PPP5C: variants seen among roughly 807,000 people sequenced by gnomAD.
The protein encoded by PPP5C is serine/threonine-protein phosphatase 5.
In PPP5C, 21 loss-of-function variants were observed where a neutral mutation model predicts 66.7. The ratio of observed to expected loss-of-function variants is 0.31; its 90% CI spans 0.22 to 0.45. The LOEUF is 0.45. Ranked by LOEUF, PPP5C falls within the 20% of genes least tolerant of loss-of-function variation. PPP5C has a pLI of 1.00. For missense variants in PPP5C, 464 were observed against 675.9 expected (o/e 0.69, Z 3.48); for synonymous variants, 246 against 257.4 (o/e 0.96, Z 0.43).
In PPP5C at chr19:46,390,282, A is replaced by G; in HGVS notation, c.1438-2A>G. ...TCCATCCCACCTGCCCTGGTCCCAC[A>G]GCCTCATCCCAACGTCAAGCCCATG... On this transcript the variant is annotated splice_acceptor_variant, in intron 12 of 12. Transcript: ENST00000012443. LOFTEE classifies it high-confidence loss of function. 6.3e-7 allele frequency: 1 copy of G among 1,593,342 alleles called. No homozygotes were observed. The highest frequency in any genetic ancestry group is 1.1e-5 in the South Asian group (1 of 88,388).
At position 46,389,990 on chromosome 19, in the gene PPP5C, C is replaced by T. The variant is rs561661573; in HGVS notation, c.1356-61C>T. 36 of 1,520,358 alleles carry T rather than the reference C, an allele frequency of 2.4e-5. No individual in the cohort carries two copies. In the African/African-American group the frequency reaches 4.8e-4, roughly 20 times the overall value. The allele number at this position is 1,520,358 out of a possible 1,614,324, so 94.2% of individuals were successfully genotyped here. A position where few individuals can be genotyped will look rare whatever the true frequency, so the allele number is the denominator to read the frequency against. On this transcript the variant is annotated intron_variant, in intron 11 of 12. Transcript: ENST00000012443. ...CCCTTCTTGCCCAGCCATTCCTTCTCTTAACCCACCAGCCCCACCCAGCCC... is the reference window on the plus strand; with the variant it reads ...CCCTTCTTGCCCAGCCATTCCTTCTTTTAACCCACCAGCCCCACCCAGCCC...
At chr19:46,361,589 T>TAAAAA (rs935838226) in intron 2 of PPP5C, among the ~76,000 whole-genome samples, 2 of 85,270 alleles carry the variant, frequency 2.3e-5, no homozygotes, top group Non-Finnish European at 4.4e-5. Flanking sequence ...TACTAAAAAT[T>TAAAAA]AAAAAAAAAA....
At chr19:46,370,881 C>T (rs529468468) in intron 2 of PPP5C, among the ~76,000 whole-genome samples, 7 of 152,118 alleles carry the variant, frequency 4.6e-5, no homozygotes, top group Non-Finnish European at 7.4e-5. Flanking sequence ...CCTGGGACTA[C>T]AGGTGCCCGC....
In PPP5C at chr19:46,375,624, T is replaced by A. The variant is rs576127473; in HGVS notation, c.384T>A (p.His128Gln). The A allele has an allele frequency of 6.2e-7, 1 of 1,612,478 alleles. No individual in the cohort carries two copies. Among genetic ancestry groups the A allele is most frequent in the Non-Finnish European group, 8.5e-7 (1 of 1,179,112 alleles). Residue 128 changes from histidine to glutamine, a missense_variant, in exon 3 of 13, where the codon CAT (histidine) becomes CAA (glutamine). Physicochemically the swap from His to Gln is conservative, Grantham distance 24 (BLOSUM62 0). Around this residue, in one of 2 missense-constraint regions of PPP5C, gnomAD observed 387 missense variants for 626.0 expected, o/e 0.62. Transcript: ENST00000012443. ...CCCAGGTGGTCAAGGTGAAGCCCCATGACAAGGATGCCAAAATGAAATACC... is the reference window on the plus strand; with the variant it reads ...CCCAGGTGGTCAAGGTGAAGCCCCAAGACAAGGATGCCAAAATGAAATACC... The part of the protein sequence containing the change: ...DYETVVKVKP[H>Q]DKDAKMKYQE...
At chr19:46,358,875 T>C (rs1972332926) in intron 2 of PPP5C, among the ~76,000 whole-genome samples, 1 of 152,194 alleles carries the variant, frequency 6.6e-6, no homozygotes, top group Non-Finnish European at 1.5e-5. Context: ...GTCTCTGGAC[T>C]CTTACTCTTG....
chr19:46,390,743 G>A lies in PPP5C; in HGVS notation c.*397G>A, dbSNP rs940607799. On this transcript the variant is annotated 3_prime_UTR_variant, in exon 13 of 13. Transcript: ENST00000012443. ...GGGTCAGCAGGGGGGCCCCGCCTGCGCCTCCCCTCCTATAGCCCCATGGTG... is the reference window on the plus strand; with the variant it reads ...GGGTCAGCAGGGGGGCCCCGCCTGCACCTCCCCTCCTATAGCCCCATGGTG... The A allele has an allele frequency of 2.1e-5, 24 of 1,132,840 alleles. No homozygotes were observed. The highest frequency in any genetic ancestry group is 3.2e-5 in the African/African-American group (2 of 62,436). 70.2% of individuals were successfully genotyped at this position (1,132,840 alleles called of 1,614,324 possible).
In PPP5C at chr19:46,384,875, G is replaced by A. The variant is rs145055019; in HGVS notation, c.870G>A (p.Lys290=). The A allele has an allele frequency of 4.3e-4, 696 of 1,614,138 alleles. No homozygotes were observed. The East Asian group carries it at 4.5e-3, about 10-fold the overall frequency. Residue 290 remains lysine, a synonymous_variant, in exon 7 of 13, where the codon AAG becomes AAA. Coordinates refer to ENST00000012443, the MANE Select transcript of PPP5C (RefSeq NM_006247.4). Reference sequence around the variant, plus strand: ...TGATCCTCACCCTTTTCGGCTTCAAGCTCCTGTACCCAGATCACTTTCACC... The same window carrying A: ...TGATCCTCACCCTTTTCGGCTTCAAACTCCTGTACCCAGATCACTTTCACC... ...VEVILTLFGF[K]LLYPDHFHLL...
intron 1 of PPP5C, among the ~76,000 whole-genome samples, chr19:46,348,941 T>C (rs1343952243): frequency 1.3e-5 from 2 of 151,968 alleles, no homozygotes; most frequent in Non-Finnish European, 2.9e-5. Context: ...GGAGCAGTTA[T>C]TGGGGAGTGA....
At chr19:46,369,354 G>C (rs1972543644) in intron 2 of PPP5C, among the ~76,000 whole-genome samples, 1 of 152,164 alleles carries the variant, frequency 6.6e-6, no homozygotes, top group South Asian at 2.1e-4. Context: ...AAAAGGGATG[G>C]TAAAGTCATG....
rs1972694240 is a variant in PPP5C at position 46,376,294 on chromosome 19, G to C, written c.512-159G>C. On this transcript the variant is annotated intron_variant, in intron 3 of 12. Coordinates refer to ENST00000012443, the MANE Select transcript of PPP5C (RefSeq NM_006247.4). The surrounding 1 kb of genome is among the most constrained non-coding windows in gnomAD (Gnocchi z 5.1). ...ACAGGGAGGTCAGGAAGAGGCCTCT[G>C]GGCCAGACCTGACCCAGGAGGGGAC... Among the ~76,000 whole-genome samples the C allele has an allele frequency of 6.6e-6, 1 of 152,100 alleles. No individual in the cohort carries two copies. Among genetic ancestry groups the C allele is most frequent in the Admixed American group, 6.5e-5 (1 of 15,282 alleles).
intron 12 of PPP5C, 46 bp from the exon 13 acceptor site, chr19:46,390,238 G>C (rs1972992570): frequency 6.3e-7 from 1 of 1,599,436 alleles, no homozygotes; most frequent in African/African-American, 1.3e-5. Context: ...GGTGCTCAGG[G>C]GCTCTGTTCT....
chr19:46,353,917 G>T lies in PPP5C; in HGVS notation c.291G>T (p.Lys97Asn). 1.2e-6 allele frequency: 2 copies of T among 1,605,400 alleles called. No homozygotes were observed. The highest frequency in any genetic ancestry group is 1.7e-6 in the Non-Finnish European group (2 of 1,176,558). The change falls in exon 2 of 13, where the codon AAG (lysine) becomes AAT (asparagine). Residue 97 changes from lysine (K) to asparagine (N), a missense_variant. Around this residue, in one of 2 missense-constraint regions of PPP5C, gnomAD observed 387 missense variants for 626.0 expected, o/e 0.62. Coordinates refer to ENST00000012443, the MANE Select transcript of PPP5C (RefSeq NM_006247.4). ...TTGAGCTGGACAAGAAGTACATCAA[G>T]GGTTATTACCGCCGGGCTGCCAGCA... Reference protein sequence around the residue: ...RAIELDKKYIKGYYRRAASNM... With the variant: ...RAIELDKKYINGYYRRAASNM...
At chr19:46,350,584 AG>A (rs1972166560) in intron 1 of PPP5C, among the ~76,000 whole-genome samples, 1 of 152,180 alleles carries the variant, frequency 6.6e-6, no homozygotes, top group African/African-American at 2.4e-5. Context: ...GCAGGCACAG[AG>A]CCCCAGGCTC....
Position 46,376,542 on chromosome 19 carries a change from C to G in PPP5C, c.601C>G (p.Gln201Glu), listed in dbSNP as rs1318086699. Residue 201 changes from glutamine (Q) to glutamate (E), a missense_variant, in exon 4 of 13, where the codon CAG becomes GAG. This residue lies in a region of PPP5C where 387 missense variants were observed against 626.0 expected (regional missense o/e 0.62). Transcript: ENST00000012443. This position sits in a 1 kb window ranked among gnomAD's most constrained non-coding sequence, Gnocchi z 5.1. ...GGAGCTCATGCAGTGGTACAAGGACCAGAAGAAACTGCACCGGAAATGTGC... is the reference window on the plus strand; with the variant it reads ...GGAGCTCATGCAGTGGTACAAGGACGAGAAGAAACTGCACCGGAAATGTGC... ...MKELMQWYKD[Q>E]KKLHRKCAYQ... The G allele has an allele frequency of 6.2e-7, 1 of 1,613,832 alleles. No homozygotes were observed.
Position 46,383,594 on chromosome 19 carries a change from C to A in PPP5C, c.699+118C>A. ...TCCCTCTCTCCCTCACACCCCACCCCTGTGCCTTTCCTCCTGAATATCCCA... is the reference window on the plus strand; with the variant it reads ...TCCCTCTCTCCCTCACACCCCACCCATGTGCCTTTCCTCCTGAATATCCCA... On this transcript the variant is annotated intron_variant, in intron 5 of 12. Transcript: ENST00000012443. The surrounding 1 kb of genome is among the most constrained non-coding windows in gnomAD (Gnocchi z 5.0). 1 of 1,170,498 alleles carries A rather than the reference C, an allele frequency of 8.5e-7. No homozygotes were observed. The allele number at this position is 1,170,498 out of a possible 1,614,324, so 72.5% of individuals were successfully genotyped here.
At chr19:46,351,398 A>G (rs1373365155) in intron 1 of PPP5C, among the ~76,000 whole-genome samples, 1 of 152,046 alleles carries the variant, frequency 6.6e-6, no homozygotes, top group African/African-American at 2.4e-5. Flanking sequence ...TCCTCCCTTC[A>G]TTTAGTCATT....
chr19:46,375,369 C>G (rs925064077), intron 2 of PPP5C, among the ~76,000 whole-genome samples: 1 of 152,230 alleles, frequency 6.6e-6, no homozygotes, highest in Non-Finnish European at 1.5e-5. Flanking sequence ...TTGATTTTAG[C>G]GCGCTCATAG....
chr19:46,376,672 G>A lies in PPP5C; in HGVS notation c.633+98G>A. 1.3e-6 allele frequency: 2 copies of A among 1,495,134 alleles called. No individual in the cohort carries two copies. The highest frequency in any genetic ancestry group is 1.8e-6 in the Non-Finnish European group (2 of 1,102,804). The allele number at this position is 1,495,134 out of a possible 1,614,324, so 92.6% of individuals were successfully genotyped here. On this transcript the variant is annotated intron_variant, in intron 4 of 12. Coordinates refer to ENST00000012443, the MANE Select transcript of PPP5C (RefSeq NM_006247.4). This position sits in a 1 kb window ranked among gnomAD's most constrained non-coding sequence, Gnocchi z 5.1. ...TGAGCAAAACGACAGGAGAAGGGCG[G>A]CCATGACAGCCAACACCAAACAGGA...
chr19:46,387,071 C>G, intron 7 of PPP5C, 22 bp from the exon 8 acceptor site: 2 of 1,614,158 alleles, frequency 1.2e-6, no homozygotes, highest in Non-Finnish European at 1.7e-6. Flanking sequence ...TGAGCTTTCT[C>G]TTCTGTCCCC....
Sources: allele counts gnomAD v4.1 joint callset (sites outside exome capture counted in the v4.1 genomes callset), GRCh38; gene constraint gnomAD v4.1.1; regional missense constraint gnomAD v4.1.1; non-coding constraint Gnocchi (gnomAD v3.1); transcripts MANE v1.5; gene names NCBI Gene and HGNC (gene_info 2026-07-23, HGNC 2026-07-21).